The following UTRN variants were observed in gnomAD, a reference collection of about 807,000 sequenced individuals.
UTRN encodes the protein dystrophin-related protein 1.
Under a neutral mutation model 463.9 loss-of-function variants are expected in UTRN, and 283 were observed. That is an observed-to-expected ratio of 0.61 (90% CI 0.55 to 0.67). UTRN has a LOEUF of 0.67. UTRN is among the 30% of genes least tolerant of loss of function. The pLI, the probability that UTRN is intolerant of heterozygous loss-of-function variation, is 0.00. For synonymous variants in UTRN, 1,442 were observed against 1,431.5 expected, an observed-to-expected ratio of 1.01 and a Z score of -0.17; for missense variants, 3,922 against 4,084.3, an observed-to-expected ratio of 0.96 and a Z score of 1.08.
intron 51 of UTRN, among the ~76,000 whole-genome samples, chr6:144,619,031 AT>A (rs1443324499): frequency 3.3e-5 from 5 of 152,160 alleles, no homozygotes; most frequent in Non-Finnish European, 7.4e-5. Context: ...TTTAAATAGA[AT>A]CATTCGATTT....
At chr6:144,455,861 T>C (rs1374765302) in intron 19 of UTRN, among the ~76,000 whole-genome samples, 2 of 152,182 alleles carry the variant, frequency 1.3e-5, no homozygotes, top group African/African-American at 4.8e-5. Flanking sequence ...CTACCATAAA[T>C]GGGTCCTAAA....
intron 3 of UTRN, among the ~76,000 whole-genome samples, chr6:144,419,794 A>G (rs1009185140): frequency 6.6e-6 from 1 of 152,206 alleles, no homozygotes; most frequent in African/African-American, 2.4e-5. Flanking sequence ...GTGCTTCTAT[A>G]GCACTGGCAC....
At chr6:144,826,787 T>C (rs1381045873) in intron 66 of UTRN, among the ~76,000 whole-genome samples, 2 of 152,298 alleles carry the variant, frequency 1.3e-5, no homozygotes, top group Non-Finnish European at 2.9e-5. Flanking sequence ...AGGGGTGGTA[T>C]CTAGGTTGCA....
chr6:144,848,281 A>G (rs971341300), intron 74 of UTRN, among the ~76,000 whole-genome samples: 31 of 152,224 alleles, frequency 2.0e-4, no homozygotes, highest in African/African-American at 7.2e-4. Context: ...TGAATTTAAC[A>G]TGAGGCCATT....
At chr6:144,548,505 G>GA in intron 46 of UTRN, 135 bp from the exon 47 acceptor site, 1 of 776,400 alleles carries the variant, frequency 1.3e-6, no homozygotes, top group Non-Finnish European at 2.0e-6. Flanking sequence ...ATTTCAGTAT[G>GA]AAAAAATAAC....
intron 69 of UTRN, among the ~76,000 whole-genome samples, chr6:144,832,415 C>T (rs1301799751): frequency 2.0e-5 from 3 of 152,098 alleles, no homozygotes; most frequent in Non-Finnish European, 2.9e-5. Flanking sequence ...ATCAGCTTCC[C>T]CAGAGAAGTG....
chr6:144,384,151 C>T (rs1409867660), intron 2 of UTRN, among the ~76,000 whole-genome samples: 1 of 152,110 alleles, frequency 6.6e-6, no homozygotes, highest in African/African-American at 2.4e-5. Flanking sequence ...CCATCGTTCT[C>T]CTGAATTCTT....
chr6:144,645,292 A>G (rs1778176658), intron 51 of UTRN, among the ~76,000 whole-genome samples: 1 of 152,186 alleles, frequency 6.6e-6, no homozygotes, highest in African/African-American at 2.4e-5. Context: ...TTTAATTATT[A>G]AAAATAATTT....
In UTRN at chr6:144,748,536, G is replaced by A. The variant is rs754355477; in HGVS notation, c.8208+22G>A. Reference sequence around the variant, plus strand: ...CATGGTCAGCATCATTGTCTTTGAAGGATTTTTAAGAAATGTTTTCTTGTT... The same window carrying A: ...CATGGTCAGCATCATTGTCTTTGAAAGATTTTTAAGAAATGTTTTCTTGTT... On this transcript the variant is annotated intron_variant, in intron 55 of 74. Coordinates refer to ENST00000367545, the MANE Select transcript of UTRN (RefSeq NM_007124.3). The A allele has an allele frequency of 5.0e-6, 8 of 1,594,558 alleles. No individual in the cohort carries two copies. In the Admixed American group the frequency reaches 1.3e-4, roughly 25 times the overall value.
intron 51 of UTRN, among the ~76,000 whole-genome samples, chr6:144,677,318 C>A (rs548642400): frequency 9.8e-4 from 149 of 152,204 alleles, no homozygotes; most frequent in African/African-American, 3.5e-3. Context: ...TCCCTGTGTC[C>A]ATGTGTTCTC....
intron 55 of UTRN, 126 bp downstream of exon 55, chr6:144,748,640 C>CA: frequency 7.8e-7 from 1 of 1,279,636 alleles, no homozygotes; most frequent in Non-Finnish European, 1.0e-6. Context: ...GCTGCAACCC[C>CA]ACCCATCAGG....
rs762736378 is a variant in UTRN, at chr6:144,473,805, G to A, written c.3152G>A (p.Gly1051Asp). ...KQQAAQGDDA[G>D]LQRQLDQCSA... ...CAGGCTGCCCAAGGAGACGACGCAG[G>A]TCTACAGAGGCAGTTAGACCAGTGC... is the stretch of plus-strand genomic sequence containing the variant. Residue 1051 changes from glycine (G) to aspartate (D), a missense_variant, in exon 24 of 75, where the codon GGT (glycine) becomes GAT (aspartate). Transcript: ENST00000367545. 106 of 1,613,994 alleles carry A rather than the reference G, an allele frequency of 6.6e-5. No homozygotes were observed. The highest frequency in any genetic ancestry group is 2.3e-5 in the Non-Finnish European group (27 of 1,180,006).
At chr6:144,527,983 A>G (rs1320664050) in intron 41 of UTRN, among the ~76,000 whole-genome samples, 2 of 149,358 alleles carry the variant, frequency 1.3e-5, no homozygotes, top group African/African-American at 4.9e-5. Context: ...TTTTCTGGCA[A>G]TTCAGAGATT....
At chr6:144,739,600 G>A (rs1005565995) in intron 54 of UTRN, among the ~76,000 whole-genome samples, 1 of 152,134 alleles carries the variant, frequency 6.6e-6, no homozygotes, top group African/African-American at 2.4e-5. Flanking sequence ...TAGGCATGAA[G>A]GGGAAGGCAT....
At position 144,290,752 on chromosome 6, in the gene UTRN, CTTTTTT is replaced by C. The variant is rs200477118; in HGVS notation, c.-92-961_-92-956del. On this transcript the variant is annotated intron_variant, in intron 1 of 74. Transcript: ENST00000367545. ...TGGTCTACCTACAAGCCACAATCGT[CTTTTTT>C]TTTTTTTTTTTTTTTTTTTTTTTGA... Among the ~76,000 whole-genome samples the C allele has an allele frequency of 7.4e-3, 732 of 98,944 alleles. 4 individuals are homozygous for C. In the East Asian group the frequency reaches 0.076, roughly 10 times the overall value. 64.9% of individuals were successfully genotyped at this position (98,944 alleles called of 152,430 possible).
intron 36 of UTRN, 105 bp downstream of exon 36, chr6:144,514,142 C>T (rs1012758427): frequency 1.4e-6 from 2 of 1,403,754 alleles, no homozygotes; most frequent in Admixed American, 2.2e-5. Flanking sequence ...TCCTCCCAAG[C>T]ATTAGATTCA....
chr6:144,298,780 AG>A (rs1425097173), intron 2 of UTRN, among the ~76,000 whole-genome samples: 30 of 152,314 alleles, frequency 2.0e-4, no homozygotes, highest in Non-Finnish European at 4.0e-4. Flanking sequence ...AAAGCATATA[AG>A]GGCATTTCTG....
chr6:144,504,761 A>G (rs1247184999), intron 34 of UTRN, among the ~76,000 whole-genome samples: 3 of 152,152 alleles, frequency 2.0e-5, no homozygotes, highest in Non-Finnish European at 4.4e-5. Context: ...TATCAGGATG[A>G]TGCTGGCCTC....
Position 144,811,739 on chromosome 6 carries a change from T to TAAAA in UTRN, c.9357+8601_9357+8604dup, listed in dbSNP as rs5880615. ...AAAAACTGAGAGGTTGTTTTATAGT[T>TAAAA]AAAAAAAAAAAACCTGTTAAGAATA... On this transcript the variant is annotated intron_variant, in intron 65 of 74. Transcript: ENST00000367545. 4.1e-5 allele frequency among the ~76,000 whole-genome samples: 6 copies of TAAAA among 147,986 alleles called. No homozygotes were observed. In the East Asian group the frequency reaches 9.8e-4, roughly 24 times the overall value.
Sources: allele counts gnomAD v4.1 joint callset (sites outside exome capture counted in the v4.1 genomes callset), GRCh38; gene constraint gnomAD v4.1.1; transcripts MANE v1.5; gene names NCBI Gene and HGNC (gene_info 2026-07-23, HGNC 2026-07-21).